The following NAV2 variants were observed in gnomAD, a reference collection of about 807,000 sequenced individuals.
NAV2 encodes the protein neuron navigator 2, also known as helicase, APC down-regulated 1.
NAV2 carries 54 observed loss-of-function variants against 223.2 expected under a neutral mutation model. The observed-to-expected ratio is 0.24, with a 90% CI of 0.19 to 0.30. The LOEUF is 0.30. Among genes scored for constraint, NAV2 ranks in the 10% least tolerant of loss-of-function variants. The pLI, the probability that NAV2 is intolerant of heterozygous loss-of-function variation, is 1.00. For synonymous variants in NAV2, 1,279 were observed against 1,239.3 expected, an observed-to-expected ratio of 1.03 and a Z score of -0.67; for missense variants, 2,806 against 3,147.5, an observed-to-expected ratio of 0.89 and a Z score of 2.60.
chr11:19,925,702 T>C (rs113794719), intron 6 of NAV2, among the ~76,000 whole-genome samples: 3,374 of 150,696 alleles, frequency 0.022, 113 homozygotes, highest in African/African-American at 0.068. Context: ...GAGCTGACAT[T>C]GCGCCACTAC....
At chr11:19,757,025 G>A (rs2054290702) in intron 1 of NAV2, among the ~76,000 whole-genome samples, 1 of 152,138 alleles carries the variant, frequency 6.6e-6, no homozygotes. Flanking sequence ...GCTGGGCTGG[G>A]CTGATCCACG....
chr11:19,715,082 T>A (rs1565195288), intron 1 of NAV2, among the ~76,000 whole-genome samples: 1 of 152,114 alleles, frequency 6.6e-6, no homozygotes, highest in Non-Finnish European at 1.5e-5. Context: ...CTTTCTCTGA[T>A]CAGAGGCTAG....
chr11:19,995,487 C>T (rs953591244), intron 11 of NAV2, among the ~76,000 whole-genome samples: 4 of 152,130 alleles, frequency 2.6e-5, no homozygotes, highest in Non-Finnish European at 5.9e-5. Context: ...TGTCCATTCT[C>T]GCTGTACTTC....
chr11:19,660,445 T>A (rs1207965294), intron 1 of NAV2, among the ~76,000 whole-genome samples: 1 of 151,936 alleles, frequency 6.6e-6, no homozygotes, highest in Non-Finnish European at 1.5e-5. Flanking sequence ...CAACAAGAGA[T>A]GGAGTCCAGA....
chr11:19,470,234 G>A (rs568854339), intron 1 of NAV2, among the ~76,000 whole-genome samples: 1 of 152,300 alleles, frequency 6.6e-6, no homozygotes, highest in East Asian at 1.9e-4. Context: ...TGTACTATAA[G>A]CTCCTTGGAA....
chr11:20,057,601 T>C (rs2058446457), intron 19 of NAV2, among the ~76,000 whole-genome samples: 1 of 152,198 alleles, frequency 6.6e-6, no homozygotes, highest in Non-Finnish European at 1.5e-5. Flanking sequence ...TTCTAGTCAG[T>C]GTACTGGCCA....
chr11:19,565,649 G>A lies in NAV2; in HGVS notation c.75+214622G>A, dbSNP rs184774297. Among the ~76,000 whole-genome samples the A allele has an allele frequency of 9.5e-4, 144 of 152,198 alleles. 3 individuals carry two copies. In the East Asian group the frequency reaches 0.026, roughly 27 times the overall value. The stretch of plus-strand genomic sequence containing the variant: ...TCCTATGGTGATAAATTGACAGCCC[G>A]CCTTTTTTTTCCACAGAAATTAATG... On this transcript the variant is annotated intron_variant, in intron 1 of 37. Transcript: ENST00000360655.
chr11:19,974,646 G>A (rs1475469704), intron 10 of NAV2, among the ~76,000 whole-genome samples: 2 of 152,178 alleles, frequency 1.3e-5, no homozygotes, highest in South Asian at 2.1e-4. Flanking sequence ...GGGCATGGTG[G>A]CATGCGCCTG....
chr11:19,971,663 A>G (rs1369457703), intron 10 of NAV2, among the ~76,000 whole-genome samples: 1 of 151,974 alleles, frequency 6.6e-6, no homozygotes, highest in Non-Finnish European at 1.5e-5. Flanking sequence ...CCAGGAAGAC[A>G]ATGACTGATT....
rs527314803 is a variant in NAV2, at chr11:19,842,391, G to A, written c.386-480G>A. Among the ~76,000 whole-genome samples the A allele has an allele frequency of 3.8e-4, 58 of 152,218 alleles. No individual in the cohort carries two copies. The South Asian group carries it at 0.012, about 32-fold the overall frequency. ...ATTTTCCCCATTTGCCACTGCTTTG[G>A]GAATAGTTATTAGGACAAACAAAAG... On this transcript the variant is annotated intron_variant, in intron 2 of 37. Transcript: ENST00000349880.
chr11:19,949,095 C>T lies in NAV2; in HGVS notation c.2645+15C>T, dbSNP rs781227816. ...ATTACAAGCGGGTAAGTACCCGGGG[C>T]CGCCCTTTCTCCCAGAGAGAAAGAG... On this transcript the variant is annotated intron_variant, in intron 10 of 37. Transcript: ENST00000349880. 1 of 1,566,888 alleles carries T rather than the reference C, an allele frequency of 6.4e-7. No individual in the cohort carries two copies. The highest frequency in any genetic ancestry group is 8.7e-7 in the Non-Finnish European group (1 of 1,155,702).
rs1590741716 is a variant in NAV2 at position 19,635,015 on chromosome 11, A to G, written c.76-197469A>G. On this transcript the variant is annotated intron_variant, in intron 1 of 37. Coordinates refer to the NAV2 transcript ENST00000360655. The stretch of plus-strand genomic sequence containing the variant: ...CAAAATTTCAGTGACTTCAAACAAT[A>G]AAAGTGTGTTTCTTGCTCATGAAGT... Among the ~76,000 whole-genome samples the G allele has an allele frequency of 2.0e-5, 3 of 152,224 alleles. No individual in the cohort carries two copies. In the South Asian group the frequency reaches 6.2e-4, roughly 31 times the overall value.
At chr11:19,869,073 A>T (rs1477091214) in intron 4 of NAV2, 76 bp downstream of exon 4, 1 of 1,381,530 alleles carries the variant, frequency 7.2e-7, no homozygotes. Context: ...AATGATATTA[A>T]CACCATTATG....
intron 6 of NAV2, among the ~76,000 whole-genome samples, chr11:19,901,602 G>T (rs554949538): frequency 6.6e-6 from 1 of 152,160 alleles, no homozygotes; most frequent in Non-Finnish European, 1.5e-5. Flanking sequence ...ACATTGTTAT[G>T]GGGAATGGAG....
In NAV2 at chr11:19,713,328, G is replaced by C; in HGVS notation, c.-368G>C. 1 of 1,082,802 alleles carries C rather than the reference G, an allele frequency of 9.2e-7. No homozygotes were observed. Among genetic ancestry groups the C allele is most frequent in the Non-Finnish European group, 1.1e-6 (1 of 894,128 alleles). 67.1% of individuals were successfully genotyped at this position (1,082,802 alleles called of 1,614,324 possible). On this transcript the variant is annotated 5_prime_UTR_variant, in exon 1 of 38. Coordinates refer to ENST00000349880, the MANE Select transcript of NAV2 (RefSeq NM_145117.5). This position sits in a 1 kb window ranked among gnomAD's most constrained non-coding sequence, Gnocchi z 7.2. ...GGGGCCTCCTCACTTCGGAGATGCA[G>C]TGACAAGTTAATATGGGCGTCCAAG...
chr11:19,993,574 C>T (rs913609702), intron 11 of NAV2, among the ~76,000 whole-genome samples: 1 of 152,014 alleles, frequency 6.6e-6, no homozygotes, highest in Admixed American at 6.6e-5. Context: ...CTTGATGTTT[C>T]CCCCCTCCCC....
chr11:19,627,365 G>A (rs2135462104), intron 1 of NAV2, among the ~76,000 whole-genome samples: 1 of 152,034 alleles, frequency 6.6e-6, no homozygotes, highest in East Asian at 1.9e-4. Flanking sequence ...CTCCAGCCTG[G>A]ACAACAGAGC....
intron 7 of NAV2, among the ~76,000 whole-genome samples, chr11:19,937,619 C>A (rs992496643): frequency 6.6e-6 from 1 of 152,184 alleles, no homozygotes; most frequent in African/African-American, 2.4e-5. Context: ...GGAGTGACAA[C>A]TCAAGTTTTG....
intron 13 of NAV2, 148 bp from the exon 14 acceptor site, chr11:20,044,820 G>A (rs2057289928): frequency 1.6e-6 from 1 of 629,420 alleles, no homozygotes; most frequent in Non-Finnish European, 2.7e-6. Flanking sequence ...TACATTAGTA[G>A]ACTATATTAT....
Sources: gnomAD v4.1 joint callset for allele counts (sites outside exome capture counted in the v4.1 genomes callset) on GRCh38, gnomAD v4.1.1 for gene constraint, Gnocchi (gnomAD v3.1) non-coding constraint, MANE v1.5 for transcripts, NCBI Gene and HGNC (gene_info 2026-07-23, HGNC 2026-07-21) for gene names.